Variants in TRPM3 observed in about 807,000 individuals in gnomAD.
TRPM3 encodes long transient receptor potential channel 3.
TRPM3 carries 77 observed loss-of-function variants against 181.2 expected under a neutral mutation model. That is an observed-to-expected ratio of 0.42 (90% CI 0.35 to 0.51). TRPM3 has a LOEUF of 0.51. Ranked by LOEUF, TRPM3 falls within the 20% of genes least tolerant of loss-of-function variation. The probability of loss-of-function intolerance (pLI) is 0.01; values close to 1 mark genes in which losing one functional copy is unlikely to be tolerated. For missense variants in TRPM3, 1,759 were observed against 2,196.7 expected, an observed-to-expected ratio of 0.80 and a Z score of 3.98; for synonymous variants, 745 against 796.4, an observed-to-expected ratio of 0.94 and a Z score of 1.09.
At chr9:70,548,325 G>A (rs185344431) in intron 25 of TRPM3, among the ~76,000 whole-genome samples, 2 of 152,300 alleles carry the variant, frequency 1.3e-5, no homozygotes, top group East Asian at 3.9e-4. Flanking sequence ...TCTGTGCATG[G>A]CTTTAAACTT....
intron 1 of TRPM3, among the ~76,000 whole-genome samples, chr9:71,139,269 G>A (rs371935915): frequency 2.6e-5 from 4 of 152,288 alleles, no homozygotes; most frequent in Admixed American, 1.3e-4. Context: ...AGCAATGGCC[G>A]TATGGCAAGG....
chr9:71,234,630 A>G (rs75720905), intron 1 of TRPM3, among the ~76,000 whole-genome samples: 1,648 of 152,200 alleles, frequency 0.011, 27 homozygotes, highest in East Asian at 0.075. Context: ...TCTGTATCCT[A>G]ATCTCTTCTT....
chr9:71,292,673 A>C (rs927358266), intron 1 of TRPM3, among the ~76,000 whole-genome samples: 3 of 151,976 alleles, frequency 2.0e-5, no homozygotes, highest in Non-Finnish European at 4.4e-5. Flanking sequence ...TTCCAAAGCA[A>C]ATATCATACC....
intron 1 of TRPM3, among the ~76,000 whole-genome samples, chr9:71,194,202 G>A (rs547380577): frequency 6.6e-6 from 1 of 152,010 alleles, no homozygotes; most frequent in East Asian, 1.9e-4. Flanking sequence ...TTAAGTGTTT[G>A]ATGGCTCTTT....
intron 25 of TRPM3, among the ~76,000 whole-genome samples, chr9:70,543,530 C>G (rs909116792): frequency 1.3e-5 from 2 of 152,148 alleles, no homozygotes; most frequent in Non-Finnish European, 2.9e-5. Flanking sequence ...CATCCTTCTA[C>G]TCTTTATGTC....
At chr9:71,003,405 G>GTT (rs57009325) in intron 1 of TRPM3, among the ~76,000 whole-genome samples, 5 of 145,016 alleles carry the variant, frequency 3.4e-5, no homozygotes, top group South Asian at 2.2e-4. Flanking sequence ...TGTGCATATG[G>GTT]TTTTTTTTTT....
intron 22 of TRPM3, among the ~76,000 whole-genome samples, chr9:70,580,008 T>C (rs1486537561): frequency 6.6e-6 from 1 of 152,210 alleles, no homozygotes; most frequent in African/African-American, 2.4e-5. Context: ...TTCAGCTATT[T>C]TGGGGGTTGA....
intron 2 of TRPM3, 86 bp downstream of exon 2, chr9:70,864,346 T>C (rs902451153): frequency 3.6e-5 from 32 of 891,610 alleles, no homozygotes; most frequent in Non-Finnish European, 5.1e-5. Flanking sequence ...TGACAGTGTT[T>C]CCCTTGTAAC....
At chr9:70,835,123 T>C (rs1401448682) in intron 5 of TRPM3, among the ~76,000 whole-genome samples, 1 of 152,084 alleles carries the variant, frequency 6.6e-6, no homozygotes, top group East Asian at 1.9e-4. Context: ...CAGCTCCCCC[T>C]TTGCCTTCTG....
chr9:71,062,019 T>G (rs758452746), intron 1 of TRPM3, among the ~76,000 whole-genome samples: 7 of 151,968 alleles, frequency 4.6e-5, no homozygotes, highest in Admixed American at 1.3e-4. Flanking sequence ...AAATGTGGAT[T>G]GGAATGGCCC....
chr9:70,536,232 C>T lies in TRPM3; in HGVS notation c.4881G>A (p.Glu1627=). The T allele has an allele frequency of 1.2e-6, 2 of 1,614,228 alleles. No individual in the cohort carries two copies. The highest frequency in any genetic ancestry group is 1.7e-6 in the Non-Finnish European group (2 of 1,180,032). ...RRATIAISSQ[E]GDNSERTLSN... is the part of the protein sequence containing the mutation. ...ACAGGGTTCTCTCTGAGTTATCACC[C>T]TCCTGGGAGGATATTGCAATGGTGG... The change falls in exon 26 of 26, where the codon GAG becomes GAA. Residue 1627 remains glutamate, a synonymous_variant. Transcript: ENST00000677713.
At chr9:71,206,733 C>G (rs1368345020) in intron 1 of TRPM3, among the ~76,000 whole-genome samples, 2 of 151,858 alleles carry the variant, frequency 1.3e-5, no homozygotes, top group African/African-American at 4.8e-5. Flanking sequence ...TACATTGAAG[C>G]CTTTAATCCA....
At chr9:70,904,685 A>T (rs182221011) in intron 1 of TRPM3, among the ~76,000 whole-genome samples, 1 of 152,230 alleles carries the variant, frequency 6.6e-6, no homozygotes, top group Admixed American at 6.5e-5. Context: ...TGTTATACTT[A>T]GTTTAAGAAG....
chr9:70,819,982 T>C (rs1424644772), intron 6 of TRPM3, among the ~76,000 whole-genome samples: 1 of 152,192 alleles, frequency 6.6e-6, no homozygotes, highest in Non-Finnish European at 1.5e-5. Flanking sequence ...AAATCTGATA[T>C]TGACTCAAAT....
chr9:71,330,126 C>G (rs2090003723), intron 1 of TRPM3, among the ~76,000 whole-genome samples: 1 of 151,860 alleles, frequency 6.6e-6, no homozygotes, highest in Non-Finnish European at 1.5e-5. Context: ...AGGCACAGTC[C>G]TGCTGTATCC....
intron 22 of TRPM3, among the ~76,000 whole-genome samples, chr9:70,574,351 C>G (rs2132228936): frequency 6.6e-6 from 1 of 152,224 alleles, no homozygotes; most frequent in Non-Finnish European, 1.5e-5. Flanking sequence ...GGAGGAGTAC[C>G]CTCCCCTCTG....
chr9:71,174,052 A>G (rs1258495186), intron 1 of TRPM3, among the ~76,000 whole-genome samples: 1 of 152,216 alleles, frequency 6.6e-6, no homozygotes, highest in African/African-American at 2.4e-5. Flanking sequence ...TGATTATCTT[A>G]GCACCAAGCC....
intron 1 of TRPM3, among the ~76,000 whole-genome samples, chr9:71,321,190 A>G (rs2089189397): frequency 6.6e-6 from 1 of 152,182 alleles, no homozygotes; most frequent in Non-Finnish European, 1.5e-5. Flanking sequence ...ACTCCTCAGA[A>G]TATCTGAAAT....
chr9:71,117,832 TAC>T (rs893873791), intron 1 of TRPM3, among the ~76,000 whole-genome samples: 9 of 152,182 alleles, frequency 5.9e-5, no homozygotes, highest in Non-Finnish European at 1.3e-4. Context: ...CTGTCACAAA[TAC>T]AGTGTCCCCT....
Sources: gnomAD v4.1 joint callset for allele counts (sites outside exome capture counted in the v4.1 genomes callset) on GRCh38, gnomAD v4.1.1 for gene constraint, MANE v1.5 for transcripts, NCBI Gene and HGNC (gene_info 2026-07-23, HGNC 2026-07-21) for gene names.